Variants in MUC7 observed in about 807,000 individuals in gnomAD.
MUC7 encodes mucin-7.
A neutral mutation model predicts 2.5 loss-of-function variants in MUC7; 2 were observed. The observed-to-expected ratio is 0.81, with a 90% CI of 0.33 to 2.55. The LOEUF is 2.55. Among genes scored for constraint, MUC7 ranks in the 30% most tolerant of loss-of-function variants. MUC7 has a pLI of 0.11. For synonymous variants in MUC7, 133 were observed against 173.4 expected (o/e 0.77, Z 1.83); for missense variants, 408 against 455.6 (o/e 0.90, Z 0.95).
intron 1 of MUC7, among the ~76,000 whole-genome samples, chr4:70,452,140 C>A (rs1480306022): frequency 6.6e-6 from 1 of 152,120 alleles, no homozygotes; most frequent in Non-Finnish European, 1.5e-5. Context: ...AGTCTATGTG[C>A]ACATTTATGG....
chr4:70,441,391 G>A (rs374222586), intron 1 of MUC7, among the ~76,000 whole-genome samples: 17 of 152,134 alleles, frequency 1.1e-4, no homozygotes, highest in African/African-American at 3.4e-4. Flanking sequence ...CCACTATATC[G>A]GAAATACTTA....
At chr4:70,439,619 T>C (rs1032442273) in intron 1 of MUC7, among the ~76,000 whole-genome samples, 2 of 152,036 alleles carry the variant, frequency 1.3e-5, no homozygotes, top group African/African-American at 4.8e-5. Flanking sequence ...TCTTAAAGTG[T>C]TATGTTATGA....
chr4:70,431,722 G>A (rs983311504), intron 1 of MUC7, among the ~76,000 whole-genome samples: 1 of 151,856 alleles, frequency 6.6e-6, no homozygotes, highest in Non-Finnish European at 1.5e-5. Flanking sequence ...GGGTAAGTCT[G>A]GTTTAAATTA....
At chr4:70,449,591 T>C (rs1427774471) in intron 1 of MUC7, among the ~76,000 whole-genome samples, 5 of 152,120 alleles carry the variant, frequency 3.3e-5, no homozygotes, top group Non-Finnish European at 5.9e-5. Flanking sequence ...GTACCTGTCC[T>C]TCTTGGGAAG....
At chr4:70,436,134 A>G (rs1733825745) in intron 1 of MUC7, among the ~76,000 whole-genome samples, 1 of 151,924 alleles carries the variant, frequency 6.6e-6, no homozygotes, top group Admixed American at 6.6e-5. Flanking sequence ...TGCCCTTAAC[A>G]TTTTTGCCTT....
chr4:70,440,604 T>G (rs1427914202), intron 1 of MUC7, among the ~76,000 whole-genome samples: 1 of 152,196 alleles, frequency 6.6e-6, no homozygotes, highest in Admixed American at 6.5e-5. Context: ...ATTTGAATGT[T>G]TCTAGCATAA....
intron 1 of MUC7, among the ~76,000 whole-genome samples, chr4:70,452,335 CT>C (rs747772984): frequency 1.3e-5 from 2 of 152,230 alleles, no homozygotes; most frequent in African/African-American, 4.8e-5. Flanking sequence ...TCTTCCTTTA[CT>C]TCCTTCCTGT....
intron 1 of MUC7, among the ~76,000 whole-genome samples, chr4:70,446,380 G>A (rs1365339110): frequency 7.2e-5 from 11 of 152,022 alleles, no homozygotes; most frequent in Non-Finnish European, 1.2e-4. Context: ...GTGTCTACAG[G>A]GCCATCTTGC....
chr4:70,444,917 G>C (rs1056847809), intron 1 of MUC7, among the ~76,000 whole-genome samples: 13 of 151,906 alleles, frequency 8.6e-5, no homozygotes, highest in African/African-American at 3.1e-4. Flanking sequence ...CCAGGTGTGG[G>C]GGCATGCGCC....
intron 1 of MUC7, among the ~76,000 whole-genome samples, chr4:70,472,518 G>A (rs1229722623): frequency 6.6e-6 from 1 of 151,950 alleles, no homozygotes; most frequent in Non-Finnish European, 1.5e-5. Flanking sequence ...AATATATTAG[G>A]AACCTGAAGA....
chr4:70,452,872 G>C (rs766141538), intron 1 of MUC7, among the ~76,000 whole-genome samples: 1 of 152,180 alleles, frequency 6.6e-6, no homozygotes, highest in Non-Finnish European at 1.5e-5. Context: ...TTGTAAGACA[G>C]GTCTGGTGTT....
chr4:70,439,157 T>G (rs990047249), intron 1 of MUC7, among the ~76,000 whole-genome samples: 11 of 152,176 alleles, frequency 7.2e-5, no homozygotes, highest in Non-Finnish European at 1.6e-4. Flanking sequence ...AAAAGCCTTT[T>G]TAAAGAGATG....
chr4:70,474,657 T>C (rs1170434544), intron 2 of MUC7, among the ~76,000 whole-genome samples: 1 of 152,024 alleles, frequency 6.6e-6, no homozygotes, highest in Non-Finnish European at 1.5e-5. Flanking sequence ...TTATAGTGAG[T>C]GTGATGAGAA....
intron 2 of MUC7, among the ~76,000 whole-genome samples, chr4:70,479,263 G>A (rs1013868395): frequency 1.3e-5 from 2 of 152,132 alleles, no homozygotes; most frequent in Non-Finnish European, 2.9e-5. Context: ...ATAGTTATGT[G>A]GTTCATTCCC....
At position 70,473,933 on chromosome 4, in the gene MUC7, A is replaced by G. The variant is rs115415389; in HGVS notation, c.-15-74A>G. ...TTTGCCTGTACTTTCTAATAAAAAT[A>G]AGTTATTTACCAAAACGCATTCCTC... is the stretch of plus-strand genomic sequence containing the variant. On this transcript the variant is annotated intron_variant, in intron 1 of 2. Transcript: ENST00000304887. 70 of 1,061,256 alleles carry G rather than the reference A, an allele frequency of 6.6e-5. No homozygotes were observed. The African/African-American group carries it at 1.1e-3, about 16-fold the overall frequency. 65.7% of individuals were successfully genotyped at this position (1,061,256 alleles called of 1,614,324 possible).
chr4:70,467,818 T>A (rs1734718990), upstream of MUC7, among the ~76,000 whole-genome samples: 1 of 152,176 alleles, frequency 6.6e-6, no homozygotes, highest in Non-Finnish European at 1.5e-5. Flanking sequence ...CACAGCCAAA[T>A]TCTACCAGAG....
At chr4:70,443,378 GCCA>G (rs1234869871) in intron 1 of MUC7, among the ~76,000 whole-genome samples, 1 of 149,212 alleles carries the variant, frequency 6.7e-6, no homozygotes, top group Non-Finnish European at 1.5e-5. Context: ...CAACAAAGTG[GCCA>G]CCAACAACCA....
rs899881569 is a variant in MUC7, at chr4:70,480,828, A to T, written c.84A>T (p.Glu28Asp). The T allele has an allele frequency of 1.2e-6, 2 of 1,613,948 alleles. No homozygotes were observed. Among genetic ancestry groups the T allele is most frequent in the Middle Eastern group, 1.7e-4 (1 of 6,060 alleles). The stretch of plus-strand genomic sequence containing the variant: ...GTGAAGGTCGAGAAAGGGATCATGA[A>T]CTACGTCACAGAAGGCATCATCACC... ...SFSEGRERDH[E>D]LRHRRHHHQS... is the part of the protein sequence containing the mutation. The change falls in exon 3 of 3, where the codon GAA (glutamate) becomes GAT (aspartate). Residue 28 changes from glutamate (E) to aspartate (D), a missense_variant. This residue lies in a region of MUC7 where 225 missense variants were observed against 240.5 expected (regional missense o/e 0.94). Coordinates refer to ENST00000304887, the MANE Select transcript of MUC7 (RefSeq NM_152291.3).
chr4:70,481,107 C>A lies in MUC7; in HGVS notation c.363C>A (p.Thr121=). The change falls in exon 3 of 3, where the codon ACC becomes ACA. Residue 121 remains threonine (T), a synonymous_variant. Transcript: ENST00000304887. ...IPSVTFPSAS[T]KITTLPNVTF... The stretch of plus-strand genomic sequence containing the variant: ...CTGTGACTTTCCCATCAGCTTCCAC[C>A]AAAATTACTACCCTTCCAAATGTGA... The A allele has an allele frequency of 2.5e-6, 4 of 1,614,130 alleles. No individual in the cohort carries two copies. The highest frequency in any genetic ancestry group is 3.4e-6 in the Non-Finnish European group (4 of 1,180,026).
Sources: gnomAD v4.1 joint callset for allele counts (sites outside exome capture counted in the v4.1 genomes callset) on GRCh38, gnomAD v4.1.1 for gene constraint, gnomAD v4.1.1 regional missense constraint, MANE v1.5 for transcripts, NCBI Gene and HGNC (gene_info 2026-07-23, HGNC 2026-07-21) for gene names.